MAGED1: variants seen among roughly 807,000 people sequenced by gnomAD.
MAGED1 encodes melanoma-associated antigen D1.
Under a neutral mutation model 54.1 loss-of-function variants are expected in MAGED1, and 3 were observed. The ratio of observed to expected loss-of-function variants is 0.06; its 90% CI spans 0.03 to 0.14. MAGED1 has a LOEUF of 0.14. Ranked by LOEUF, MAGED1 falls within the 10% of genes least tolerant of loss-of-function variation. The probability of loss-of-function intolerance (pLI) is 1.00; values close to 1 mark genes in which losing one functional copy is unlikely to be tolerated. For missense variants in MAGED1, 485 were observed against 623.4 expected, an observed-to-expected ratio of 0.78 and a Z score of 2.36; for synonymous variants, 217 against 227.3, an observed-to-expected ratio of 0.95 and a Z score of 0.41.
intron 1 of MAGED1, among the ~76,000 whole-genome samples, chrX:51,833,894 A>C (rs188779254): frequency 1.8e-5 from 2 of 109,554 alleles, no homozygotes; most frequent in African/African-American, 6.6e-5. Flanking sequence ...ATCACATCCT[A>C]CTCCTTTCCC....
intron 1 of MAGED1, among the ~76,000 whole-genome samples, chrX:51,819,109 T>G (rs1274847320): frequency 1.8e-5 from 2 of 111,777 alleles, no homozygotes; most frequent in Non-Finnish European, 3.8e-5. Flanking sequence ...TAGACAAACA[T>G]CAGGGGTGAA....
intron 1 of MAGED1, among the ~76,000 whole-genome samples, chrX:51,864,570 T>A (rs1927399319): frequency 8.9e-6 from 1 of 111,914 alleles, no homozygotes; most frequent in Non-Finnish European, 1.9e-5. Flanking sequence ...ACAATATTGA[T>A]TCTTCCAATC....
intron 1 of MAGED1, among the ~76,000 whole-genome samples, chrX:51,867,550 C>T (rs1407590835): frequency 9.0e-6 from 1 of 111,682 alleles, no homozygotes; most frequent in Non-Finnish European, 1.9e-5. Flanking sequence ...TTTATATTCG[C>T]TGGCAGCTGA....
chrX:51,881,421 C>CTT (rs11458572), intron 1 of MAGED1, among the ~76,000 whole-genome samples: 34 of 102,063 alleles, frequency 3.3e-4, no homozygotes, highest in East Asian at 1.5e-3. Context: ...CTTTTCTTTT[C>CTT]TTTTTTTTTT....
upstream of MAGED1, among the ~76,000 whole-genome samples, chrX:51,890,108 A>C (rs1928383885): frequency 1.8e-5 from 2 of 111,990 alleles, no homozygotes; most frequent in Non-Finnish European, 3.8e-5. Context: ...CTCTGCATGG[A>C]CTAGAGACTG....
At chrX:51,863,320 A>T (rs926685942) in intron 1 of MAGED1, among the ~76,000 whole-genome samples, 7 of 112,549 alleles carry the variant, frequency 6.2e-5, no homozygotes, top group South Asian at 3.7e-4. Context: ...GGTGAACAAT[A>T]TTCCATTGTG....
Position 51,829,533 on chromosome X carries a change from A to T in MAGED1, c.-37+26416A>T, listed in dbSNP as rs188944903. On this transcript the variant is annotated intron_variant, in intron 1 of 12. Transcript: ENST00000375772. ...TATGAAAAGCAAAACTTTAATTTTTAAAAAAAAAAATTAGGGGACTGTTTA... is the reference window on the plus strand; with the variant it reads ...TATGAAAAGCAAAACTTTAATTTTTTAAAAAAAAAATTAGGGGACTGTTTA... Among the ~76,000 whole-genome samples, 842 of 107,542 alleles carry T rather than the reference A, an allele frequency of 7.8e-3. 11 individuals are homozygous for T. The highest frequency in any genetic ancestry group is 0.022 in the African/African-American group (665 of 29,858). 93.4% of individuals were successfully genotyped at this position (107,542 alleles called of 115,157 possible). A position where few individuals can be genotyped will look rare whatever the true frequency, so the allele number is the denominator to read the frequency against.
intron 1 of MAGED1, among the ~76,000 whole-genome samples, chrX:51,881,535 C>T (rs1357812443): frequency 1.8e-5 from 2 of 110,034 alleles, no homozygotes; most frequent in African/African-American, 6.6e-5. Flanking sequence ...CCTGCCTCAG[C>T]CTCCTGAGTA....
chrX:51,809,113 T>A (rs1557355347), intron 1 of MAGED1, among the ~76,000 whole-genome samples: 1 of 110,777 alleles, frequency 9.0e-6, no homozygotes, highest in African/African-American at 3.3e-5. Flanking sequence ...TTTTATTTTA[T>A]TTTATTTTAT....
At chrX:51,880,530 C>A (rs934101266) in intron 1 of MAGED1, among the ~76,000 whole-genome samples, 1 of 111,707 alleles carries the variant, frequency 9.0e-6, no homozygotes, top group East Asian at 2.8e-4. Context: ...TTCCTGCATA[C>A]CGGAGTTTGT....
In MAGED1 at chrX:51,835,921, C is replaced by A. The variant is rs2146967192; in HGVS notation, c.-37+32804C>A. Among the ~76,000 whole-genome samples, 2 of 111,780 alleles carry A rather than the reference C, an allele frequency of 1.8e-5. 1 individual carries two copies. The highest frequency in any genetic ancestry group is 7.4e-4 in the South Asian group (2 of 2,685). The stretch of plus-strand genomic sequence containing the variant: ...ATATTTTTCATACTTCAAAAAAATT[C>A]TTTTCTGTTTCATTTTGGATGATTT... On this transcript the variant is annotated intron_variant, in intron 1 of 12. Coordinates refer to the MAGED1 transcript ENST00000375772.
intron 1 of MAGED1, among the ~76,000 whole-genome samples, chrX:51,875,385 G>T (rs1269478931): frequency 4.5e-5 from 5 of 111,272 alleles, no homozygotes; most frequent in African/African-American, 1.6e-4. Flanking sequence ...GAATCCCCTG[G>T]ATTCTGACTA....
rs1419429225 is a variant in MAGED1 at position 51,895,275 on chromosome X, G to A, written c.268G>A (p.Gly90Ser). 2 of 1,209,716 alleles carry A rather than the reference G, an allele frequency of 1.7e-6. No homozygotes were observed. Among genetic ancestry groups the A allele is most frequent in the African/African-American group, 1.7e-5 (1 of 57,269 alleles). The change falls in exon 3 of 13, where the codon GGT (glycine) becomes AGT (serine). Residue 90 changes from glycine (G) to serine (S), a missense_variant. Physicochemically the swap from Gly to Ser is moderately conservative, Grantham distance 56. Around this residue, in one of 2 missense-constraint regions of MAGED1, gnomAD observed 299 missense variants for 293.1 expected, o/e 1.02. Coordinates refer to ENST00000326587, the MANE Select transcript of MAGED1 (RefSeq NM_006986.4). ...GAATGCCACCACAAAAGGCCCAAAT[G>A]GTGTCTATGATTTCTCTCAGGCTCA... The part of the protein sequence containing the change: ...VQNATTKGPN[G>S]VYDFSQAHNA...
chrX:51,897,753 C>T lies in MAGED1; in HGVS notation c.1567-42C>T, dbSNP rs781849295. On this transcript the variant is annotated intron_variant, in intron 6 of 12. Coordinates refer to ENST00000326587, the MANE Select transcript of MAGED1 (RefSeq NM_006986.4). ...AGTGTCTGCCTATGGGTAGCTTATG[C>T]TAGATGTTGTAATTTCATAGTCTGT... 4.5e-6 allele frequency: 5 copies of T among 1,107,657 alleles called. No homozygotes were observed. In the Admixed American group the frequency reaches 1.1e-4, roughly 25 times the overall value. 91.3% of individuals were successfully genotyped at this position (1,107,657 alleles called of 1,213,427 possible).
intron 1 of MAGED1, among the ~76,000 whole-genome samples, chrX:51,842,448 C>G (rs905472656): frequency 9.0e-6 from 1 of 111,073 alleles, no homozygotes; most frequent in Non-Finnish European, 1.9e-5. Flanking sequence ...TGCATATCTT[C>G]TTTATGTAAA....
chrX:51,806,270 C>T (rs1317616039), intron 1 of MAGED1, among the ~76,000 whole-genome samples: 2 of 111,357 alleles, frequency 1.8e-5, no homozygotes, highest in African/African-American at 6.5e-5. Flanking sequence ...CCGCGCCCGG[C>T]CAGCTCAAAG....
At chrX:51,814,582 CA>C (rs1278685971) in intron 1 of MAGED1, among the ~76,000 whole-genome samples, 1 of 110,726 alleles carries the variant, frequency 9.0e-6, no homozygotes, top group Admixed American at 9.6e-5. Flanking sequence ...ACAACAGCAA[CA>C]AAAAAACAAG....
chrX:51,895,199 CATTCAGGTT>C lies in MAGED1; in HGVS notation c.193_201del (p.Ile65_Val67del), dbSNP rs1569556020. Reference sequence around the variant, plus strand: ...CCCCAACTGCCAATGAGATGGCTGACATTCAGGTTTCAGCAGCTGCCGCTAGGCCTAAGT... The same window carrying C: ...CCCCAACTGCCAATGAGATGGCTGACTCAGCAGCTGCCGCTAGGCCTAAGT... On this transcript the variant is annotated inframe_deletion, in exon 3 of 13. Transcript: ENST00000326587. The C allele has an allele frequency of 9.9e-6, 12 of 1,210,296 alleles. No homozygotes were observed. Among genetic ancestry groups the C allele is most frequent in the Non-Finnish European group, 1.3e-5 (12 of 895,250 alleles).
intron 1 of MAGED1, among the ~76,000 whole-genome samples, chrX:51,878,925 TG>T (rs1346663758): frequency 9.0e-6 from 1 of 111,380 alleles, no homozygotes; most frequent in Non-Finnish European, 1.9e-5. Flanking sequence ...TTATTTCATA[TG>T]GTTATTCTAT....
Sources: allele counts gnomAD v4.1 joint callset (sites outside exome capture counted in the v4.1 genomes callset), GRCh38; gene constraint gnomAD v4.1.1; regional missense constraint gnomAD v4.1.1; transcripts MANE v1.5; gene names NCBI Gene and HGNC (gene_info 2026-07-23, HGNC 2026-07-21).